The following FGF23 variants were observed in gnomAD, a reference collection of about 807,000 sequenced individuals.
FGF23 encodes the protein fibroblast growth factor 23.
Under a neutral mutation model 9.0 loss-of-function variants are expected in FGF23, and 8 were observed. The ratio of observed to expected loss-of-function variants is 0.89; its 90% CI spans 0.52 to 1.60. FGF23 has a LOEUF of 1.60. FGF23 is among the 40% of genes most tolerant of loss of function. The probability of loss-of-function intolerance (pLI) is 0.00; values close to 1 mark genes in which losing one functional copy is unlikely to be tolerated. For synonymous variants in FGF23, 118 were observed against 146.2 expected (o/e 0.81, Z 1.39); for missense variants, 311 against 344.3 (o/e 0.90, Z 0.77).
At chr12:4,376,799 G>C (rs994518397) in intron 1 of FGF23, among the ~76,000 whole-genome samples, 3 of 152,076 alleles carry the variant, frequency 2.0e-5, no homozygotes, top group African/African-American at 7.2e-5. Context: ...GATTATACGC[G>C]TGAGCCACCG....
chr12:4,379,544 C>T lies in FGF23; in HGVS notation c.39G>A (p.Leu13=). 1 of 1,611,506 alleles carries T rather than the reference C, an allele frequency of 6.2e-7. No individual in the cohort carries two copies. The highest frequency in any genetic ancestry group is 8.5e-7 in the Non-Finnish European group (1 of 1,179,846). The change falls in exon 1 of 3, where the codon TTG becomes TTA. Residue 13 remains leucine (L), a synonymous_variant. Transcript: ENST00000237837. Reference sequence around the variant, plus strand: ...GGACGCTCATGCTGCAGACGCTGCACAAGGCACAGACCCAGAGCCTGAGGC... The same window carrying T: ...GGACGCTCATGCTGCAGACGCTGCATAAGGCACAGACCCAGAGCCTGAGGC... The part of the protein sequence containing the change: ...GARLRLWVCA[L]CSVCSMSVLR...
chr12:4,371,261 G>A (rs1456161017), intron 2 of FGF23, among the ~76,000 whole-genome samples: 1 of 152,144 alleles, frequency 6.6e-6, no homozygotes, highest in Non-Finnish European at 1.5e-5. Context: ...ACTAGTACTG[G>A]GTTTTACTGA....
At chr12:4,372,440 G>A (rs1028938880) in intron 2 of FGF23, among the ~76,000 whole-genome samples, 154 bp downstream of exon 2, 6 of 152,138 alleles carry the variant, frequency 3.9e-5, no homozygotes, top group Non-Finnish European at 7.4e-5. Context: ...GAGCATTCAC[G>A]TTTAATTCAT....
intron 1 of FGF23, among the ~76,000 whole-genome samples, chr12:4,378,304 T>C (rs1254996898): frequency 6.6e-6 from 1 of 152,168 alleles, no homozygotes; most frequent in Non-Finnish European, 1.5e-5. Context: ...CAAATCATAA[T>C]TCCTATGTTT....
At chr12:4,370,891 G>C in intron 2 of FGF23, 108 bp from the exon 3 acceptor site, 2 of 925,660 alleles carry the variant, frequency 2.2e-6, no homozygotes, top group Non-Finnish European at 3.5e-6. Flanking sequence ...AAGCTCTGCA[G>C]TTCTTAGGGC....
chr12:4,370,224 A>G lies in FGF23; in HGVS notation c.*119T>C. 1 of 1,050,872 alleles carries G rather than the reference A, an allele frequency of 9.5e-7. No homozygotes were observed. The highest frequency in any genetic ancestry group is 2.4e-5 in the East Asian group (1 of 41,808). 65.1% of individuals were successfully genotyped at this position (1,050,872 alleles called of 1,614,324 possible). ...CCTGTGGAAGGGACCCCAGAGAAGCAGCAAATTCCATACATGCCCCTGTCA... is the reference window on the plus strand; with the variant it reads ...CCTGTGGAAGGGACCCCAGAGAAGCGGCAAATTCCATACATGCCCCTGTCA... On this transcript the variant is annotated 3_prime_UTR_variant, in exon 3 of 3. Transcript: ENST00000237837.
chr12:4,370,251 C>G lies in FGF23; in HGVS notation c.*92G>C. 7.6e-7 allele frequency: 1 copy of G among 1,312,364 alleles called. No individual in the cohort carries two copies. Among genetic ancestry groups the G allele is most frequent in the South Asian group, 1.2e-5 (1 of 84,456 alleles). 81.3% of individuals were successfully genotyped at this position (1,312,364 alleles called of 1,614,324 possible). On this transcript the variant is annotated 3_prime_UTR_variant, in exon 3 of 3. Coordinates refer to ENST00000237837, the MANE Select transcript of FGF23 (RefSeq NM_020638.3). ...CAAATTCCATACATGCCCCTGTCAC[C>G]TTTCCCATCCTCGGAACGTCAAGGG... is the stretch of plus-strand genomic sequence containing the variant.
chr12:4,379,657 T>A lies in FGF23; in HGVS notation c.-75A>T. The A allele has an allele frequency of 7.7e-7, 1 of 1,290,590 alleles. No individual in the cohort carries two copies. Among genetic ancestry groups the A allele is most frequent in the Non-Finnish European group, 1.1e-6 (1 of 921,962 alleles). 79.9% of individuals were successfully genotyped at this position (1,290,590 alleles called of 1,614,324 possible). A position where few individuals can be genotyped will look rare whatever the true frequency, so the allele number is the denominator to read the frequency against. On this transcript the variant is annotated 5_prime_UTR_variant, in exon 1 of 3. Transcript: ENST00000237837. Reference sequence around the variant, plus strand: ...GTCGGGACTCTCCTGGCCCAGGCCTTACTGGCCTTTTCCTTCTCCCTTGCA... The same window carrying A: ...GTCGGGACTCTCCTGGCCCAGGCCTAACTGGCCTTTTCCTTCTCCCTTGCA...
chr12:4,378,670 A>G (rs1865144078), intron 1 of FGF23, among the ~76,000 whole-genome samples: 1 of 152,102 alleles, frequency 6.6e-6, no homozygotes, highest in Non-Finnish European at 1.5e-5. Context: ...AGAATCACCA[A>G]CTCATACTGG....
intron 1 of FGF23, 47 bp from the exon 2 acceptor site, chr12:4,372,744 C>T (rs1265967796): frequency 2.4e-6 from 3 of 1,261,998 alleles, no homozygotes; most frequent in Non-Finnish European, 2.3e-6. Flanking sequence ...CATCCAATTC[C>T]CACCTTCAAG....
At chr12:4,371,601 C>T (rs1865064121) in intron 2 of FGF23, among the ~76,000 whole-genome samples, 1 of 152,218 alleles carries the variant, frequency 6.6e-6, no homozygotes, top group African/African-American at 2.4e-5. Flanking sequence ...AAGAGGCCAG[C>T]AGCCTTTAGT....
At chr12:4,371,356 A>G (rs1865062365) in intron 2 of FGF23, among the ~76,000 whole-genome samples, 1 of 152,196 alleles carries the variant, frequency 6.6e-6, no homozygotes, top group South Asian at 2.1e-4. Flanking sequence ...GACTATCTAC[A>G]TGCCTAGAGG....
At position 4,370,630 on chromosome 12, in the gene FGF23, A is replaced by G. The variant is rs772964687; in HGVS notation, c.469T>C (p.Phe157Leu). Residue 157 changes from phenylalanine (F) to leucine (L), a missense_variant, in exon 3 of 3, where the codon TTC (phenylalanine) becomes CTC (leucine). Coordinates refer to ENST00000237837, the MANE Select transcript of FGF23 (RefSeq NM_020638.3). ...PGMNPPPYSQ[F>L]LSRRNEIPLI... ...GGGATCTCGTTCCTCCGGGACAGGAACTGGGAGTACGGGGGTGGGTTCATG... is the reference window on the plus strand; with the variant it reads ...GGGATCTCGTTCCTCCGGGACAGGAGCTGGGAGTACGGGGGTGGGTTCATG... 9 of 1,614,016 alleles carry G rather than the reference A, an allele frequency of 5.6e-6. No individual in the cohort carries two copies. The highest frequency in any genetic ancestry group is 7.6e-6 in the Non-Finnish European group (9 of 1,179,984).
At chr12:4,373,379 T>C (rs1865083800) in intron 1 of FGF23, among the ~76,000 whole-genome samples, 1 of 152,242 alleles carries the variant, frequency 6.6e-6, no homozygotes, top group Non-Finnish European at 1.5e-5. Context: ...ACAGCATGTA[T>C]TCCATTTAAC....
chr12:4,376,042 T>C (rs1865113019), intron 1 of FGF23, among the ~76,000 whole-genome samples: 1 of 152,170 alleles, frequency 6.6e-6, no homozygotes. Context: ...AGATAGTTCC[T>C]ATGGGGAAGA....
intron 1 of FGF23, 142 bp downstream of exon 1, chr12:4,379,230 C>T: frequency 2.7e-6 from 2 of 752,442 alleles, no homozygotes; most frequent in Non-Finnish European, 4.7e-6. Flanking sequence ...AACACACACA[C>T]ACACAAAGAC....
chr12:4,379,622 T>C lies in FGF23; in HGVS notation c.-40A>G. 6.6e-7 allele frequency: 1 copy of C among 1,511,524 alleles called. No individual in the cohort carries two copies. Among genetic ancestry groups the C allele is most frequent in the Non-Finnish European group, 9.0e-7 (1 of 1,116,226 alleles). The allele number at this position is 1,511,524 out of a possible 1,614,324, so 93.6% of individuals were successfully genotyped here. ...AGTGGCTGGTGCTGAGATTGAAACC[T>C]GACACTCCTGTCGGGACTCTCCTGG... On this transcript the variant is annotated 5_prime_UTR_variant, in exon 1 of 3. Coordinates refer to ENST00000237837, the MANE Select transcript of FGF23 (RefSeq NM_020638.3).
rs1865032062 is a variant in FGF23 at position 4,368,967 on chromosome 12, G to C, written c.*1376C>G. ...AAAAAAAAGTGACTGGGAAGAAGCT[G>C]TTGTTGAATCGACTTTGCTTGTTAA... On this transcript the variant is annotated 3_prime_UTR_variant, in exon 3 of 3. Transcript: ENST00000237837. 1 of 225,314 alleles carries C rather than the reference G, an allele frequency of 4.4e-6. No individual in the cohort carries two copies. The highest frequency in any genetic ancestry group is 1.8e-4 in the South Asian group (1 of 5,462). The allele number at this position is 225,314 out of a possible 1,614,324, so 14.0% of individuals were successfully genotyped here.
rs1865026662 is a variant in FGF23 at position 4,368,303 on chromosome 12, G to A, written c.*2040C>T. The A allele has an allele frequency of 5.7e-6, 1 of 175,636 alleles. No individual in the cohort carries two copies. The highest frequency in any genetic ancestry group is 2.4e-5 in the African/African-American group (1 of 42,182). The allele number at this position is 175,636 out of a possible 1,614,324, so 10.9% of individuals were successfully genotyped here. A position where few individuals can be genotyped will look rare whatever the true frequency, so the allele number is the denominator to read the frequency against. On this transcript the variant is annotated 3_prime_UTR_variant, in exon 3 of 3. Coordinates refer to ENST00000237837, the MANE Select transcript of FGF23 (RefSeq NM_020638.3). ...AAATCATTGAGTCTCCTTATGAATGGAAGAAATCTTTGAAAATTTTAAAAT... is the reference window on the plus strand; with the variant it reads ...AAATCATTGAGTCTCCTTATGAATGAAAGAAATCTTTGAAAATTTTAAAAT...
Sources: gnomAD v4.1 joint callset for allele counts (sites outside exome capture counted in the v4.1 genomes callset) on GRCh38, gnomAD v4.1.1 for gene constraint, MANE v1.5 for transcripts, NCBI Gene and HGNC (gene_info 2026-07-23, HGNC 2026-07-21) for gene names.